RASGRF2: variants seen among roughly 807,000 people sequenced by gnomAD.
The protein encoded by RASGRF2 is Ras protein specific guanine nucleotide releasing factor 2.
A neutral mutation model predicts 151.0 loss-of-function variants in RASGRF2; 76 were observed. That is an observed-to-expected ratio of 0.50 (90% CI 0.42 to 0.61). The LOEUF (loss-of-function observed/expected upper bound fraction) is 0.61, where lower values mean the gene tolerates loss of function less well. Among genes scored for constraint, RASGRF2 ranks in the 20% least tolerant of loss-of-function variants. RASGRF2 has a pLI of 0.00. For missense variants in RASGRF2, 1,148 were observed against 1,564.6 expected, an observed-to-expected ratio of 0.73 and a Z score of 4.49; for synonymous variants, 504 against 566.5, an observed-to-expected ratio of 0.89 and a Z score of 1.57.
rs1755528861 is a variant in RASGRF2, at chr5:81,207,273, G to C, written c.2995G>C (p.Glu999Gln). 1 of 1,614,124 alleles carries C rather than the reference G, an allele frequency of 6.2e-7. No individual in the cohort carries two copies. Among genetic ancestry groups the C allele is most frequent in the South Asian group, 1.1e-5 (1 of 91,074 alleles). Reference sequence around the variant, plus strand: ...TGACTGCATGAAGGCCGAATGCTTTGAGTCCTTGTCGGCCATGGAGCTGGC... The same window carrying C: ...TGACTGCATGAAGGCCGAATGCTTTCAGTCCTTGTCGGCCATGGAGCTGGC... ...MTDCMKAECF[E>Q]SLSAMELAEQ... The change falls in exon 21 of 27, where the codon GAG (glutamate) becomes CAG (glutamine). Residue 999 changes from glutamate to glutamine, a missense_variant. Coordinates refer to ENST00000265080, the MANE Select transcript of RASGRF2 (RefSeq NM_006909.3).
At chr5:81,209,289 TC>T (rs1378082705) in intron 22 of RASGRF2, among the ~76,000 whole-genome samples, 1 of 151,880 alleles carries the variant, frequency 6.6e-6, no homozygotes, top group African/African-American at 2.4e-5. Context: ...CTTTTATACC[TC>T]CCCGCTCTTC....
rs192613977 is a variant in RASGRF2 at position 81,011,104 on chromosome 5, G to C, written c.289-31773G>C. Among the ~76,000 whole-genome samples the C allele has an allele frequency of 4.6e-5, 7 of 152,222 alleles. No homozygotes were observed. In the East Asian group the frequency reaches 1.2e-3, roughly 25 times the overall value. On this transcript the variant is annotated intron_variant, in intron 1 of 26. Coordinates refer to ENST00000265080, the MANE Select transcript of RASGRF2 (RefSeq NM_006909.3). ...AATTTGAAAAATGCACAAAATATAT[G>C]GATAAGAAGATAAAAGTTACTCAGA...
Position 81,228,759 on chromosome 5 carries a change from T to G in RASGRF2, c.*2989T>G, listed in dbSNP as rs751095765. 49 of 152,220 alleles carry G rather than the reference T, an allele frequency of 3.2e-4. No homozygotes were observed. Among genetic ancestry groups the G allele is most frequent in the Non-Finnish European group, 6.5e-4 (44 of 68,036 alleles). 9.4% of individuals were successfully genotyped at this position (152,220 alleles called of 1,614,324 possible). On this transcript the variant is annotated 3_prime_UTR_variant, in exon 27 of 27. Transcript: ENST00000265080. Reference sequence around the variant, plus strand: ...CTAATCCAATATATTATTTGACAGATTCAGGCATGAAGTAAAACGTCGTCA... The same window carrying G: ...CTAATCCAATATATTATTTGACAGAGTCAGGCATGAAGTAAAACGTCGTCA...
intron 2 of RASGRF2, among the ~76,000 whole-genome samples, chr5:81,062,866 A>T (rs1353892201): frequency 1.3e-5 from 2 of 152,048 alleles, no homozygotes; most frequent in African/African-American, 4.8e-5. Context: ...GTTTTCCTGC[A>T]GTAAGTGTGT....
At chr5:81,046,036 A>G (rs1051873289) in intron 2 of RASGRF2, among the ~76,000 whole-genome samples, 3 of 152,168 alleles carry the variant, frequency 2.0e-5, no homozygotes, top group African/African-American at 7.2e-5. Context: ...TTTCTAATAT[A>G]AAAGTTTTAA....
intron 1 of RASGRF2, among the ~76,000 whole-genome samples, chr5:81,021,291 T>C (rs1433987584): frequency 6.6e-6 from 1 of 152,178 alleles, no homozygotes; most frequent in Non-Finnish European, 1.5e-5. Flanking sequence ...TTGAGAAAAT[T>C]GGAGGAGGGT....
At chr5:81,140,612 C>G (rs185738912) in intron 17 of RASGRF2, among the ~76,000 whole-genome samples, 1 of 152,174 alleles carries the variant, frequency 6.6e-6, no homozygotes, top group Non-Finnish European at 1.5e-5. Context: ...ACGCAGCAAG[C>G]TAGATCACAG....
Position 81,092,804 on chromosome 5 carries a change from C to A in RASGRF2, c.1394C>A (p.Ser465Tyr). 1 of 1,610,394 alleles carries A rather than the reference C, an allele frequency of 6.2e-7. No homozygotes were observed. The highest frequency in any genetic ancestry group is 8.5e-7 in the Non-Finnish European group (1 of 1,178,548). ...TCTTCATTTTTGTAATCACCAGGTT[C>A]TCTTATTCAAGTACCTTCCGTTGAG... ...DTSQTFIRQG[S>Y]LIQVPSVERG... Residue 465 changes from serine (S) to tyrosine (Y), a missense_variant, in exon 10 of 27, where the codon TCT becomes TAT. Physicochemically the swap from Ser to Tyr is moderately radical, Grantham distance 144. Transcript: ENST00000265080.
intron 17 of RASGRF2, among the ~76,000 whole-genome samples, chr5:81,139,498 T>A (rs1753833620): frequency 6.6e-6 from 1 of 151,490 alleles, no homozygotes; most frequent in Admixed American, 6.6e-5. Flanking sequence ...ATAGCTAGGA[T>A]TACAGGCAGC....
chr5:81,039,201 G>T (rs1750605487), intron 1 of RASGRF2, among the ~76,000 whole-genome samples: 1 of 152,034 alleles, frequency 6.6e-6, no homozygotes, highest in Non-Finnish European at 1.5e-5. Context: ...TATATTAAAA[G>T]ATTTCCTAGT....
At chr5:81,123,010 G>A (rs1048646346) in intron 15 of RASGRF2, among the ~76,000 whole-genome samples, 1 of 152,182 alleles carries the variant, frequency 6.6e-6, no homozygotes, top group East Asian at 1.9e-4. Context: ...TAGAAATACT[G>A]TATATCTGGG....
At chr5:81,058,971 T>TGTAATCCCCAGACCTGTACCCCCAG (rs1751322517) in intron 2 of RASGRF2, among the ~76,000 whole-genome samples, 1 of 152,104 alleles carries the variant, frequency 6.6e-6, no homozygotes, top group Non-Finnish European at 1.5e-5. Context: ...GGCCTGGACT[T>TGTAATCCCCAGACCTGTACCCCCAG]GTCTGTAATC....
At chr5:81,153,714 A>G (rs1011967854) in intron 17 of RASGRF2, among the ~76,000 whole-genome samples, 4 of 152,254 alleles carry the variant, frequency 2.6e-5, no homozygotes, top group Admixed American at 6.5e-5. Context: ...ATAGAACCAT[A>G]TCAAATTCCA....
intron 1 of RASGRF2, among the ~76,000 whole-genome samples, chr5:80,973,480 C>A (rs768829166): frequency 1.3e-5 from 2 of 152,154 alleles, no homozygotes; most frequent in Admixed American, 6.5e-5. Context: ...TTAGTCACAC[C>A]TAGATGTTTT....
At position 81,201,335 on chromosome 5, in the gene RASGRF2, C is replaced by T. The variant is rs371857641; in HGVS notation, c.2799C>T (p.Phe933=). ...RHWVSKHAQD[F]ELNNELKMNV... is the part of the protein sequence containing the mutation. Reference sequence around the variant, plus strand: ...AGATTCATTTTATTTTACAGGATTTCGAACTCAACAATGAACTAAAGATGA... The same window carrying T: ...AGATTCATTTTATTTTACAGGATTTTGAACTCAACAATGAACTAAAGATGA... Residue 933 remains phenylalanine (F), a synonymous_variant, in exon 19 of 27, where the codon TTC becomes TTT. Coordinates refer to ENST00000265080, the MANE Select transcript of RASGRF2 (RefSeq NM_006909.3). 26 of 1,610,214 alleles carry T rather than the reference C, an allele frequency of 1.6e-5. No individual in the cohort carries two copies. The highest frequency in any genetic ancestry group is 1.4e-4 in the Admixed American group (8 of 58,930).
intron 1 of RASGRF2, among the ~76,000 whole-genome samples, chr5:81,031,881 A>G (rs1750264495): frequency 6.6e-6 from 1 of 152,210 alleles, no homozygotes; most frequent in Non-Finnish European, 1.5e-5. Flanking sequence ...TGAAAAGATC[A>G]ACAAAATTGA....
chr5:81,104,246 C>A (rs1444100097), intron 12 of RASGRF2, among the ~76,000 whole-genome samples: 1 of 151,862 alleles, frequency 6.6e-6, no homozygotes, highest in Non-Finnish European at 1.5e-5. Flanking sequence ...ATGTGGATGG[C>A]TCATTCTTTT....
At chr5:80,964,412 CT>C (rs1428614702) in intron 1 of RASGRF2, among the ~76,000 whole-genome samples, 1 of 152,032 alleles carries the variant, frequency 6.6e-6, no homozygotes, top group Non-Finnish European at 1.5e-5. Context: ...ACATGGTAGG[CT>C]CTGTGCTCTT....
At chr5:81,197,606 A>G (rs1755296289) in intron 18 of RASGRF2, among the ~76,000 whole-genome samples, 1 of 152,138 alleles carries the variant, frequency 6.6e-6, no homozygotes, top group Non-Finnish European at 1.5e-5. Context: ...GATCTTGTTA[A>G]TTGTTTTTAC....
Sources: allele counts gnomAD v4.1 joint callset (sites outside exome capture counted in the v4.1 genomes callset), GRCh38; gene constraint gnomAD v4.1.1; transcripts MANE v1.5; gene names NCBI Gene and HGNC (gene_info 2026-07-23, HGNC 2026-07-21).